Variants in LY96 observed in about 807,000 individuals in gnomAD.
LY96 encodes lymphocyte antigen 96.
In LY96, 18 loss-of-function variants were observed where a neutral mutation model predicts 18.9. The ratio of observed to expected loss-of-function variants is 0.95; its 90% CI spans 0.66 to 1.41. The LOEUF (loss-of-function observed/expected upper bound fraction) is 1.41. Ranked by LOEUF, LY96 falls within the 40% of genes most tolerant of loss-of-function variation. The probability of loss-of-function intolerance (pLI) is 0.00; values close to 1 mark genes in which losing one functional copy is unlikely to be tolerated. For missense variants in LY96, 175 were observed against 182.4 expected (o/e 0.96, Z 0.23); for synonymous variants, 66 against 62.6 (o/e 1.06, Z -0.26).
rs527643787 is a variant in LY96 at position 74,016,365 on chromosome 8, G to A, written c.331+6236G>A. On this transcript the variant is annotated intron_variant, in intron 3 of 4. Coordinates refer to ENST00000284818, the MANE Select transcript of LY96 (RefSeq NM_015364.5). Reference sequence around the variant, plus strand: ...GGTAAACAAAGAGGCCTGAAAGCTCGAACTGGGTGGAGCCCACCACAGCTC... The same window carrying A: ...GGTAAACAAAGAGGCCTGAAAGCTCAAACTGGGTGGAGCCCACCACAGCTC... 9.2e-5 allele frequency among the ~76,000 whole-genome samples: 14 copies of A among 152,344 alleles called. No homozygotes were observed. In the East Asian group the frequency reaches 1.4e-3, roughly 15 times the overall value.
chr8:74,075,825 A>G, the LY96 span, among the ~76,000 whole-genome samples: 34 of 152,188 alleles, frequency 2.2e-4, no homozygotes, highest in Non-Finnish European at 1.6e-4. Context: ...TCAACAAGTA[A>G]AGGGTATGAA....
At chr8:74,069,579 T>A in the LY96 span, among the ~76,000 whole-genome samples, 2 of 128,838 alleles carry the variant, frequency 1.6e-5, no homozygotes, top group Non-Finnish European at 3.2e-5. Context: ...CCAATCAATT[T>A]ATTTATTTAT....
the LY96 span, among the ~76,000 whole-genome samples, chr8:74,038,492 G>T: frequency 2.0e-5 from 3 of 151,978 alleles, no homozygotes; most frequent in African/African-American, 7.3e-5. Flanking sequence ...AATGACCTCC[G>T]GTTCCATTCA....
the LY96 span, among the ~76,000 whole-genome samples, chr8:74,048,096 C>T: frequency 6.6e-6 from 1 of 152,104 alleles, no homozygotes; most frequent in Non-Finnish European, 1.5e-5. Flanking sequence ...GCCTATGTTG[C>T]TCAGGCTGGT....
chr8:74,089,680 A>C, the LY96 span, among the ~76,000 whole-genome samples: 4 of 151,294 alleles, frequency 2.6e-5, no homozygotes, highest in African/African-American at 9.7e-5. Flanking sequence ...GTTGTAGAAG[A>C]CAACGACAGA....
chr8:74,030,673 C>A (rs1341306008), downstream of LY96, among the ~76,000 whole-genome samples: 2 of 152,156 alleles, frequency 1.3e-5, no homozygotes, highest in Non-Finnish European at 2.9e-5. Context: ...AGATGACAAA[C>A]CCTGGGTTTA....
chr8:74,040,698 G>GT, the LY96 span, among the ~76,000 whole-genome samples: 2,507 of 109,226 alleles, frequency 0.023, 113 homozygotes, highest in African/African-American at 0.028. Flanking sequence ...CTATGTGTCT[G>GT]TTTTTTTTTT....
At chr8:74,002,089 TTCTTTCTCTCTCTCTCTC>T (rs1187688812) in intron 1 of LY96, among the ~76,000 whole-genome samples, 4 of 25,040 alleles carry the variant, frequency 1.6e-4, no homozygotes, top group South Asian at 1.7e-3. Context: ...CTTTCTTTCT[TTCTTTCTCTCTCTCTCTC>T]TCTCTCTCTC....
chr8:74,054,520 T>TTTCCTTCC, the LY96 span, among the ~76,000 whole-genome samples: 599 of 118,404 alleles, frequency 5.1e-3, 2 homozygotes, highest in East Asian at 9.3e-3. Flanking sequence ...TTTTCTTTCT[T>TTTCCTTCC]TTCCTTCCTT....
the LY96 span, among the ~76,000 whole-genome samples, chr8:74,085,673 T>C: frequency 6.6e-6 from 1 of 152,212 alleles, no homozygotes; most frequent in African/African-American, 2.4e-5. Context: ...AAGACTCCTT[T>C]CTATTTCAGA....
chr8:74,018,620 A>G (rs1426690902), intron 3 of LY96, among the ~76,000 whole-genome samples: 1 of 152,212 alleles, frequency 6.6e-6, no homozygotes, highest in Non-Finnish European at 1.5e-5. Flanking sequence ...CAGAATATAC[A>G]TTCTTCTCAG....
At chr8:74,033,430 A>G (rs1337535659), downstream of LY96, among the ~76,000 whole-genome samples, 1 of 152,224 alleles carries the variant, frequency 6.6e-6, no homozygotes, top group African/African-American at 2.4e-5. Flanking sequence ...ATAAAGATTG[A>G]CAAAAGGGAC....
chr8:74,085,739 C>T, the LY96 span, among the ~76,000 whole-genome samples: 1 of 152,106 alleles, frequency 6.6e-6, no homozygotes, highest in Non-Finnish European at 1.5e-5. Flanking sequence ...TTTTTTCCAA[C>T]TTCATTGCGG....
the LY96 span, among the ~76,000 whole-genome samples, chr8:74,091,282 A>G: frequency 6.6e-6 from 1 of 152,144 alleles, no homozygotes; most frequent in Non-Finnish European, 1.5e-5. Flanking sequence ...TCGAAGTGGC[A>G]CCACCTCTTG....
At chr8:74,052,903 A>G in the LY96 span, among the ~76,000 whole-genome samples, 2 of 152,226 alleles carry the variant, frequency 1.3e-5, no homozygotes, top group East Asian at 3.8e-4. Context: ...ATATTGAACC[A>G]ATGCTGTCAG....
chr8:74,052,830 A>T, the LY96 span, among the ~76,000 whole-genome samples: 1 of 152,092 alleles, frequency 6.6e-6, no homozygotes, highest in Admixed American at 6.5e-5. Context: ...GCTGGATAGT[A>T]AGGAGGGGTA....
chr8:74,061,400 G>A, the LY96 span, among the ~76,000 whole-genome samples: 1 of 152,338 alleles, frequency 6.6e-6, no homozygotes, highest in African/African-American at 2.4e-5. Flanking sequence ...GACACCAGAT[G>A]TTCACTTTGA....
the LY96 span, among the ~76,000 whole-genome samples, chr8:74,073,938 G>A: frequency 1.3e-5 from 2 of 152,056 alleles, no homozygotes; most frequent in South Asian, 2.1e-4. Context: ...GATTACAGGT[G>A]AGTCACAGCG....
the LY96 span, among the ~76,000 whole-genome samples, chr8:74,071,499 C>T: frequency 6.6e-6 from 1 of 152,014 alleles, no homozygotes; most frequent in African/African-American, 2.4e-5. Flanking sequence ...TGATAATATA[C>T]ATGAGATTAC....
Sources: allele counts gnomAD v4.1 joint callset (sites outside exome capture counted in the v4.1 genomes callset), GRCh38; gene constraint gnomAD v4.1.1; transcripts MANE v1.5; gene names NCBI Gene and HGNC (gene_info 2026-07-23, HGNC 2026-07-21).